The following SMARCE1 variants were observed in gnomAD, a reference collection of about 807,000 sequenced individuals.
SMARCE1 encodes the protein SWI/SNF-related matrix-associated actin-dependent regulator of chromatin subfamily E member 1.
A neutral mutation model predicts 54.9 loss-of-function variants in SMARCE1; 13 were observed. That is an observed-to-expected ratio of 0.24 (90% confidence interval 0.15 to 0.38). SMARCE1 has a LOEUF of 0.38. SMARCE1 is among the 10% of genes least tolerant of loss of function. The pLI, the probability that SMARCE1 is intolerant of heterozygous loss-of-function variation, is 1.00. For missense variants in SMARCE1, 295 were observed against 523.8 expected (o/e 0.56, Z 4.26); for synonymous variants, 151 against 175.3 (o/e 0.86, Z 1.10).
At chr17:40,647,597 G>C (rs2037273718) in intron 1 of SMARCE1, 176 bp downstream of exon 1, 1 of 152,834 alleles carries the variant, frequency 6.5e-6, no homozygotes, top group Admixed American at 6.5e-5. Flanking sequence ...GCCCCAGATG[G>C]GACTCCCTCC....
intron 9 of SMARCE1, 135 bp from the exon 10 acceptor site, chr17:40,631,059 T>C (rs180965476): frequency 9.4e-5 from 63 of 669,568 alleles, no homozygotes; most frequent in African/African-American, 4.0e-4. Context: ...TGTGTGTGTG[T>C]GCCAAAAAAA....
intron 10 of SMARCE1, chr17:40,629,626 A>G: frequency 7.3e-6 from 5 of 684,446 alleles, no homozygotes; most frequent in Non-Finnish European, 1.0e-5. Flanking sequence ...GATTTTCTTC[A>G]GGTTTTTTCC....
intron 9 of SMARCE1, chr17:40,631,353 C>G (rs2037093756): frequency 2.6e-6 from 1 of 391,348 alleles, no homozygotes; most frequent in African/African-American, 2.0e-5. Context: ...TATCAGAGGG[C>G]TCTAGCATTT....
chr17:40,630,268 C>A (rs2037078826), intron 10 of SMARCE1: 14 of 1,537,142 alleles, frequency 9.1e-6, no homozygotes, highest in Non-Finnish European at 1.2e-5. Context: ...TTTTCTAGGA[C>A]AGAGCTGGCA....
chr17:40,630,214 G>T, intron 10 of SMARCE1: 1 of 1,470,588 alleles, frequency 6.8e-7, no homozygotes, highest in Non-Finnish European at 9.3e-7. Context: ...TTACCTTGAG[G>T]GATGCTTTTA....
At chr17:40,632,502 G>C (rs769277293) in intron 7 of SMARCE1, 135 bp from the exon 8 acceptor site, 15 of 662,856 alleles carry the variant, frequency 2.3e-5, no homozygotes, top group Non-Finnish European at 3.8e-5. Flanking sequence ...CGTCATGGGA[G>C]CACTGGGGCA....
intron 10 of SMARCE1, 100 bp from the exon 11 acceptor site, chr17:40,629,093 C>T: frequency 1.1e-6 from 1 of 936,366 alleles, no homozygotes. Context: ...AGCCACTAGC[C>T]ACATGTGGTT....
chr17:40,636,994 C>CT (rs1445828371), intron 5 of SMARCE1: 1 of 123,790 alleles, frequency 8.1e-6, no homozygotes, highest in Non-Finnish European at 1.6e-5. Flanking sequence ...ATATTGGCTA[C>CT]TTTTTTTATT....
At chr17:40,633,053 A>ACTT (rs1567846114) in intron 7 of SMARCE1, 2 of 152,200 alleles carry the variant, frequency 1.3e-5, no homozygotes, top group Non-Finnish European at 2.9e-5. Flanking sequence ...CTTGTTACCC[A>ACTT]GGCTGGAGTA....
intron 7 of SMARCE1, chr17:40,635,170 T>C (rs2037133915): frequency 6.6e-6 from 1 of 151,876 alleles, no homozygotes; most frequent in Admixed American, 6.6e-5. Flanking sequence ...CTTAAATCAT[T>C]TTCCTGATGT....
intron 9 of SMARCE1, chr17:40,631,131 T>C (rs1567845450): frequency 1.8e-6 from 1 of 542,170 alleles, no homozygotes; most frequent in Non-Finnish European, 3.2e-6. Flanking sequence ...GCTCTAGCAG[T>C]TGTATAATAT....
intron 5 of SMARCE1, 117 bp from the exon 6 acceptor site, chr17:40,636,643 T>C: frequency 1.3e-6 from 1 of 759,892 alleles, no homozygotes; most frequent in East Asian, 2.6e-5. Context: ...GTATCAAATT[T>C]CTAGGTACTC....
chr17:40,633,307 C>A (rs1172854621), intron 7 of SMARCE1: 4 of 152,096 alleles, frequency 2.6e-5, no homozygotes, highest in Non-Finnish European at 5.9e-5. Flanking sequence ...ACTGCACACA[C>A]ACTACAGGCT....
chr17:40,633,719 C>T (rs1160842927), intron 7 of SMARCE1: 1 of 152,154 alleles, frequency 6.6e-6, no homozygotes, highest in East Asian at 1.9e-4. Flanking sequence ...AAAAAAATTA[C>T]TTTTGTTTCC....
intron 3 of SMARCE1, chr17:40,644,956 T>C (rs1384823670): frequency 6.6e-6 from 1 of 152,256 alleles, no homozygotes; most frequent in East Asian, 1.9e-4. Context: ...TTTTACATGC[T>C]GACCAAGCTG....
rs1206959959 is a variant in SMARCE1, at chr17:40,627,795, T to C, written c.*990A>G. 1 of 152,638 alleles carries C rather than the reference T, an allele frequency of 6.6e-6. No homozygotes were observed. Among genetic ancestry groups the C allele is most frequent in the African/African-American group, 2.4e-5 (1 of 41,444 alleles). 9.5% of individuals were successfully genotyped at this position (152,638 alleles called of 1,614,324 possible). On this transcript the variant is annotated 3_prime_UTR_variant, in exon 11 of 11. Transcript: ENST00000348513. ...ACCACTATTCAGTAAAAATCTATTCTAGTTTTTGGGAAGCTTATGTGTCAC... is the reference window on the plus strand; with the variant it reads ...ACCACTATTCAGTAAAAATCTATTCCAGTTTTTGGGAAGCTTATGTGTCAC...
At chr17:40,644,033 G>T (rs564349776) in intron 3 of SMARCE1, 132 of 152,954 alleles carry the variant, frequency 8.6e-4, no homozygotes, top group Non-Finnish European at 1.5e-3. Context: ...AAAGGAAGAA[G>T]AATAATTCAT....
At chr17:40,646,420 C>G (rs1330429991) in intron 1 of SMARCE1, among the ~76,000 whole-genome samples, 1 of 152,208 alleles carries the variant, frequency 6.6e-6, no homozygotes, top group Non-Finnish European at 1.5e-5. Context: ...TTTTATTCAT[C>G]ATTCACAGCC....
Position 40,627,636 on chromosome 17 carries a change from G to T in SMARCE1, c.*1149C>A, listed in dbSNP as rs938937817. 1.3e-5 allele frequency: 2 copies of T among 152,524 alleles called. No homozygotes were observed. Among genetic ancestry groups the T allele is most frequent in the African/African-American group, 4.8e-5 (2 of 41,442 alleles). 9.4% of individuals were successfully genotyped at this position (152,524 alleles called of 1,614,324 possible). A position where few individuals can be genotyped will look rare whatever the true frequency, so the allele number is the denominator to read the frequency against. On this transcript the variant is annotated 3_prime_UTR_variant, in exon 11 of 11. Transcript: ENST00000348513. ...AATGGCTGAGTGGTCATTCCACACT[G>T]TCACTGCATTACAGAAAAAAACTGG...
Sources: gnomAD v4.1 joint callset for allele counts (sites outside exome capture counted in the v4.1 genomes callset) on GRCh38, gnomAD v4.1.1 for gene constraint, MANE v1.5 for transcripts, NCBI Gene and HGNC (gene_info 2026-07-23, HGNC 2026-07-21) for gene names.